The following DHRSX variants were observed in gnomAD, a reference collection of about 807,000 sequenced individuals.
DHRSX encodes polyprenol dehydrogenase.
A neutral mutation model predicts 34.0 loss-of-function variants in DHRSX; 31 were observed. That is an observed-to-expected ratio of 0.91 (90% CI 0.69 to 1.23). DHRSX has a LOEUF of 1.23. Among genes scored for constraint, DHRSX ranks in the 50% most tolerant of loss-of-function variants. DHRSX has a pLI of 0.00. For missense variants in DHRSX, 414 were observed against 428.1 expected, an observed-to-expected ratio of 0.97 and a Z score of 0.29; for synonymous variants, 201 against 183.8, an observed-to-expected ratio of 1.09 and a Z score of -0.76.
At chrX:2,221,437 G>A (rs1357472629) in intron 6 of DHRSX, among the ~76,000 whole-genome samples, 9 of 152,030 alleles carry the variant, frequency 5.9e-5, no homozygotes, top group Non-Finnish European at 8.8e-5. Context: ...TGACAATAAC[G>A]TACCCAAGTG....
chrX:2,440,999 G>C (rs765073150), intron 1 of DHRSX, among the ~76,000 whole-genome samples: 5 of 152,136 alleles, frequency 3.3e-5, no homozygotes, highest in African/African-American at 4.8e-5. Flanking sequence ...AGCTACAGAC[G>C]ACGCAGACGG....
chrX:2,413,074 A>C (rs1228790455), intron 2 of DHRSX, among the ~76,000 whole-genome samples: 1 of 152,162 alleles, frequency 6.6e-6, no homozygotes. Flanking sequence ...ATGCACCTGT[A>C]GTCCCAGCTA....
chrX:2,371,549 G>GTACCTCCTTCCA (rs1569494772), intron 3 of DHRSX, among the ~76,000 whole-genome samples: 2,368 of 62,080 alleles, frequency 0.038, 35 homozygotes, highest in Middle Eastern at 0.16. Context: ...CCGTCCTTCT[G>GTACCTCCTTCCA]TTACCATAGT....
chrX:2,423,379 T>C (rs920613772), intron 2 of DHRSX, among the ~76,000 whole-genome samples: 2 of 150,922 alleles, frequency 1.3e-5, no homozygotes, highest in Non-Finnish European at 2.9e-5. Flanking sequence ...TGTCACTGCA[T>C]TCCACCTGGG....
intron 4 of DHRSX, among the ~76,000 whole-genome samples, chrX:2,271,026 C>T (rs914729253): frequency 6.6e-6 from 1 of 152,162 alleles, no homozygotes; most frequent in Non-Finnish European, 1.5e-5. Flanking sequence ...AGCTGGCCAC[C>T]TGAGCCAGCT....
At chrX:2,269,048 T>C (rs2041513199) in intron 4 of DHRSX, among the ~76,000 whole-genome samples, 1 of 152,240 alleles carries the variant, frequency 6.6e-6, no homozygotes, top group South Asian at 2.1e-4. Flanking sequence ...TCTATTTCTG[T>C]ATTTGTATAT....
intron 3 of DHRSX, among the ~76,000 whole-genome samples, chrX:2,304,982 T>TA (rs200313972): frequency 7.3e-5 from 11 of 151,660 alleles, no homozygotes; most frequent in South Asian, 4.2e-4. Context: ...TAGACTGGAT[T>TA]AAAAAAAATG....
rs192680685 is a variant in DHRSX, at chrX:2,356,834, A to G, written c.286+51911T>C. Among the ~76,000 whole-genome samples, 24 of 152,356 alleles carry G rather than the reference A, an allele frequency of 1.6e-4. No homozygotes were observed. The East Asian group carries it at 4.6e-3, about 29-fold the overall frequency. The stretch of plus-strand genomic sequence containing the variant: ...CTCTAGCTTACTTTAGTCTAAGCAT[A>G]AAGTATGCAATACATAGAACATAGA... On this transcript the variant is annotated intron_variant, in intron 3 of 6. Coordinates refer to ENST00000334651, the MANE Select transcript of DHRSX (RefSeq NM_145177.3).
intron 5 of DHRSX, among the ~76,000 whole-genome samples, chrX:2,243,918 T>C (rs1338746366): frequency 1.3e-5 from 2 of 149,146 alleles, no homozygotes; most frequent in Admixed American, 6.7e-5. Context: ...TACAGGCTCC[T>C]GTCACCACGC....
intron 3 of DHRSX, among the ~76,000 whole-genome samples, chrX:2,362,889 G>A (rs55732005): frequency 0.029 from 2,347 of 81,234 alleles, no homozygotes; most frequent in East Asian, 0.089. Context: ...ATATCATGCC[G>A]CCATTTTATC....
chrX:2,411,940 T>A (rs1435939506), intron 2 of DHRSX, among the ~76,000 whole-genome samples: 7 of 152,126 alleles, frequency 4.6e-5, no homozygotes, highest in Non-Finnish European at 7.3e-5. Context: ...AACGCTGGCA[T>A]AGGACAGAAG....
chrX:2,377,124 T>A (rs1282737208), intron 3 of DHRSX, among the ~76,000 whole-genome samples: 1 of 152,048 alleles, frequency 6.6e-6, no homozygotes, highest in Non-Finnish European at 1.5e-5. Flanking sequence ...ACTAGTTTCA[T>A]GGAACACAAT....
In DHRSX at chrX:2,438,625, G is replaced by A. The variant is rs759528678; in HGVS notation, c.110-13321C>T. Reference sequence around the variant, plus strand: ...GGACATTGCGGTGAGCCGAGATCACGCCACTGCACTCCAGCCTGGGGGACA... The same window carrying A: ...GGACATTGCGGTGAGCCGAGATCACACCACTGCACTCCAGCCTGGGGGACA... On this transcript the variant is annotated intron_variant, in intron 1 of 6. Coordinates refer to ENST00000334651, the MANE Select transcript of DHRSX (RefSeq NM_145177.3). 8.8e-4 allele frequency among the ~76,000 whole-genome samples: 132 copies of A among 149,622 alleles called. 1 individual carries two copies. Among genetic ancestry groups the A allele is most frequent in the African/African-American group, 3.2e-3 (130 of 40,676 alleles).
intron 1 of DHRSX, among the ~76,000 whole-genome samples, chrX:2,464,026 A>G (rs1427726581): frequency 6.6e-6 from 1 of 152,116 alleles, no homozygotes; most frequent in Non-Finnish European, 1.5e-5. Flanking sequence ...AGAGACGGCC[A>G]CCTGTACACA....
In DHRSX at chrX:2,222,914, G is replaced by C. The variant is rs550201761; in HGVS notation, c.805-1685C>G. The stretch of plus-strand genomic sequence containing the variant: ...CCATCCTCTGGGTGCCGAGCAAGGG[G>C]AACAGGAAGGCTGGACCCCAGTAGA... On this transcript the variant is annotated intron_variant, in intron 6 of 6. Transcript: ENST00000334651. 2.0e-4 allele frequency among the ~76,000 whole-genome samples: 31 copies of C among 152,308 alleles called. No homozygotes were observed. In the South Asian group the frequency reaches 6.2e-3, roughly 31 times the overall value.
chrX:2,304,622 C>T (rs143166924), intron 3 of DHRSX, among the ~76,000 whole-genome samples: 2,626 of 152,124 alleles, frequency 0.017, 70 homozygotes, highest in African/African-American at 0.059. Flanking sequence ...GCACCTCTGT[C>T]TCTCCTTCTC....
intron 3 of DHRSX, among the ~76,000 whole-genome samples, chrX:2,323,032 T>C (rs2042332075): frequency 6.7e-6 from 1 of 148,342 alleles, no homozygotes; most frequent in Admixed American, 6.9e-5. Flanking sequence ...CAAGCGATTC[T>C]CCTGCCTCAG....
chrX:2,231,969 TTC>T (rs1051661416), intron 6 of DHRSX, among the ~76,000 whole-genome samples: 9 of 6,162 alleles, frequency 1.5e-3, no homozygotes, highest in African/African-American at 4.9e-3. Flanking sequence ...CTTTCTGCCC[TTC>T]TTTCCTTTTC....
chrX:2,490,137 C>G (rs1339874718), intron 1 of DHRSX: 1 of 1,613,940 alleles, frequency 6.2e-7, no homozygotes, highest in South Asian at 1.1e-5. Flanking sequence ...GTGGAGATGC[C>G]ACACCAGGTG....
Sources: allele counts gnomAD v4.1 joint callset (sites outside exome capture counted in the v4.1 genomes callset), GRCh38; gene constraint gnomAD v4.1.1; transcripts MANE v1.5; gene names NCBI Gene and HGNC (gene_info 2026-07-23, HGNC 2026-07-21).